The following ATG13 variants were observed in gnomAD, a reference collection of about 807,000 sequenced individuals.
The protein encoded by ATG13 is autophagy related 13, also known as autophagy-related protein 13.
In ATG13, 23 loss-of-function variants were observed where a neutral mutation model predicts 65.5. The ratio of observed to expected loss-of-function variants is 0.35; its 90% CI spans 0.25 to 0.50. The LOEUF (loss-of-function observed/expected upper bound fraction) is 0.50. ATG13 is among the 20% of genes least tolerant of loss of function. The probability of loss-of-function intolerance (pLI) is 0.98; values close to 1 mark genes in which losing one functional copy is unlikely to be tolerated. For synonymous variants in ATG13, 252 were observed against 245.2 expected, an observed-to-expected ratio of 1.03 and a Z score of -0.26; for missense variants, 566 against 677.0, an observed-to-expected ratio of 0.84 and a Z score of 1.82.
At chr11:46,641,452 C>T (rs973511629) in intron 2 of ATG13, among the ~76,000 whole-genome samples, 1 of 152,086 alleles carries the variant, frequency 6.6e-6, no homozygotes, top group Admixed American at 6.6e-5. Context: ...CTGCTACATC[C>T]AACAATATAG....
At chr11:46,655,327 G>A (rs2059817904) in intron 7 of ATG13, among the ~76,000 whole-genome samples, 1 of 152,140 alleles carries the variant, frequency 6.6e-6, no homozygotes, top group East Asian at 1.9e-4. Context: ...GAACCTGGGA[G>A]GCGGAGCTTG....
At chr11:46,641,517 T>A (rs2056016257) in intron 2 of ATG13, among the ~76,000 whole-genome samples, 1 of 152,196 alleles carries the variant, frequency 6.6e-6, no homozygotes, top group Non-Finnish European at 1.5e-5. Flanking sequence ...AAAAAGTTAG[T>A]ATTATTGATT....
chr11:46,627,590 C>T (rs1403319564), intron 1 of ATG13, among the ~76,000 whole-genome samples: 1 of 151,776 alleles, frequency 6.6e-6, no homozygotes, highest in East Asian at 2.0e-4. Flanking sequence ...CCTGCCTCAG[C>T]CTCCCAAGTA....
intron 2 of ATG13, among the ~76,000 whole-genome samples, chr11:46,632,892 G>A (rs1228850738): frequency 6.6e-6 from 1 of 150,796 alleles, no homozygotes; most frequent in Non-Finnish European, 1.5e-5. Context: ...GCCTAGCACA[G>A]TGGCTCACAA....
chr11:46,651,785 C>T (rs988853787), intron 7 of ATG13, among the ~76,000 whole-genome samples: 2 of 152,070 alleles, frequency 1.3e-5, no homozygotes, highest in East Asian at 1.9e-4. Context: ...AAATTTTTGC[C>T]GTCTTCTCCG....
In ATG13 at chr11:46,673,074, C is replaced by A. The variant is rs1027135228; in HGVS notation, c.*742C>A. ...TGTCACTTGGAGTCACAGCAAAGTT[C>A]TCTTCCTCTTGTCCCCCCGTTGCTG... On this transcript the variant is annotated 3_prime_UTR_variant, in exon 19 of 19. Transcript: ENST00000683050. The A allele has an allele frequency of 3.8e-5, 7 of 186,116 alleles. No individual in the cohort carries two copies. The highest frequency in any genetic ancestry group is 3.2e-4 in the Admixed American group (6 of 18,476). The allele number at this position is 186,116 out of a possible 1,614,324, so 11.5% of individuals were successfully genotyped here.
At chr11:46,634,197 G>T (rs1231685817) in intron 2 of ATG13, among the ~76,000 whole-genome samples, 2 of 151,478 alleles carry the variant, frequency 1.3e-5, no homozygotes, top group African/African-American at 4.9e-5. Context: ...CCAGGTTCAA[G>T]AGATTCTCCT....
chr11:46,646,457 T>TTTTTTG (rs58163343), intron 5 of ATG13, among the ~76,000 whole-genome samples: 3 of 150,488 alleles, frequency 2.0e-5, no homozygotes, highest in African/African-American at 7.3e-5. Context: ...CTGTTTTTTG[T>TTTTTTG]TTTTTGTTTT....
chr11:46,621,089 G>C (rs569407349), intron 1 of ATG13: 1 of 151,138 alleles, frequency 6.6e-6, no homozygotes, highest in Non-Finnish European at 1.5e-5. Flanking sequence ...ATCTTGGCTC[G>C]CTGCAACCTC....
At position 46,654,283 on chromosome 11, in the gene ATG13, TTA is replaced by T. The variant is rs376147806; in HGVS notation, c.459-1924_459-1923del. 1.3e-3 allele frequency among the ~76,000 whole-genome samples: 160 copies of T among 122,244 alleles called. 3 individuals carry two copies. Among genetic ancestry groups the T allele is most frequent in the Non-Finnish European group, 1.5e-3 (94 of 60,740 alleles). The allele number at this position is 122,244 out of a possible 152,430, so 80.2% of individuals were successfully genotyped here. A position where few individuals can be genotyped will look rare whatever the true frequency, so the allele number is the denominator to read the frequency against. On this transcript the variant is annotated intron_variant, in intron 7 of 18. Coordinates refer to ENST00000683050, the MANE Select transcript of ATG13 (RefSeq NM_001346311.2). ...CCTCATCACTACTATTTTTAAAATT[TTA>T]TATATATATATATATATATATATAT...
At chr11:46,664,155 GTAAA>G (rs1354082762) in intron 12 of ATG13, 60 bp downstream of exon 12, 49 of 1,254,190 alleles carry the variant, frequency 3.9e-5, no homozygotes, top group Non-Finnish European at 5.5e-5. Flanking sequence ...TTTAAAAATT[GTAAA>G]TAAATTATAA....
chr11:46,663,688 A>G (rs1358635860), intron 11 of ATG13, among the ~76,000 whole-genome samples: 2 of 152,116 alleles, frequency 1.3e-5, no homozygotes, highest in Non-Finnish European at 2.9e-5. Context: ...AGACAGACTA[A>G]TGGTTGACTC....
intron 1 of ATG13, among the ~76,000 whole-genome samples, chr11:46,619,615 C>G (rs926120729): frequency 6.6e-6 from 1 of 151,504 alleles, no homozygotes. Context: ...CTTGAACTCC[C>G]GACCTCAGGT....
chr11:46,659,474 C>T lies in ATG13; in HGVS notation c.778C>T (p.Pro260Ser). 6.2e-7 allele frequency: 1 copy of T among 1,613,302 alleles called. No individual in the cohort carries two copies. The highest frequency in any genetic ancestry group is 2.2e-5 in the East Asian group (1 of 44,888). The change falls in exon 11 of 19, where the codon CCA becomes TCA. Residue 260 changes from proline (P) to serine (S), a missense_variant. Physicochemically the swap from Pro to Ser is moderately conservative, Grantham distance 74. Transcript: ENST00000683050. ...GTGTACCACCTCTTTTTCCACCTCC[C>T]CACCATCCCAGGTAGGGGGAAGCAG... ...EVCTTSFSTS[P>S]PSQCVFTVTK... is the part of the protein sequence containing the mutation.
At chr11:46,623,370 A>C (rs2048393825) in intron 1 of ATG13, among the ~76,000 whole-genome samples, 1 of 152,170 alleles carries the variant, frequency 6.6e-6, no homozygotes, top group Non-Finnish European at 1.5e-5. Flanking sequence ...ATGCTGGGTG[A>C]AAGTTTTTCT....
At chr11:46,653,726 C>T (rs2059408147) in intron 7 of ATG13, among the ~76,000 whole-genome samples, 1 of 152,012 alleles carries the variant, frequency 6.6e-6, no homozygotes, top group African/African-American at 2.4e-5. Flanking sequence ...CCCGCCACCA[C>T]GCCCGGCTAA....
intron 15 of ATG13, among the ~76,000 whole-genome samples, chr11:46,668,158 A>G (rs2062797438): frequency 6.6e-6 from 1 of 152,190 alleles, no homozygotes; most frequent in Non-Finnish European, 1.5e-5. Flanking sequence ...AAAACACTAC[A>G]CTGTGTCATT....
At chr11:46,671,791 T>A (rs555645233) in intron 18 of ATG13, among the ~76,000 whole-genome samples, 2 of 152,324 alleles carry the variant, frequency 1.3e-5, no homozygotes, top group East Asian at 3.9e-4. Flanking sequence ...ACAGACCTGC[T>A]ACTGTGTCAG....
intron 2 of ATG13, among the ~76,000 whole-genome samples, chr11:46,631,647 T>TGAGGCCAGGAGTTC (rs1565441910): frequency 6.6e-6 from 1 of 152,174 alleles, no homozygotes; most frequent in Middle Eastern, 3.2e-3. Context: ...GAGGATCGTT[T>TGAGGCCAGGAGTTC]GAGGCCAGGA....
Sources: gnomAD v4.1 joint callset for allele counts (sites outside exome capture counted in the v4.1 genomes callset) on GRCh38, gnomAD v4.1.1 for gene constraint, MANE v1.5 for transcripts, NCBI Gene and HGNC (gene_info 2026-07-23, HGNC 2026-07-21) for gene names.